Variants in DPP10 observed in about 807,000 individuals in gnomAD.
DPP10 encodes dipeptidyl peptidase like 10.
DPP10 carries 33 observed loss-of-function variants against 120.9 expected under a neutral mutation model. That is an observed-to-expected ratio of 0.27 (90% CI 0.21 to 0.37). The LOEUF (loss-of-function observed/expected upper bound fraction) is 0.37. Among genes scored for constraint, DPP10 ranks in the 10% least tolerant of loss-of-function variants. The pLI is 1.00. For missense variants in DPP10, 816 were observed against 942.8 expected (o/e 0.87, Z 1.76); for synonymous variants, 337 against 326.1 (o/e 1.03, Z -0.36).
At chr2:114,528,753 T>G (rs1685716003) in intron 1 of DPP10, among the ~76,000 whole-genome samples, 1 of 151,878 alleles carries the variant, frequency 6.6e-6, no homozygotes, top group South Asian at 2.1e-4. Flanking sequence ...CTTTTTCTTA[T>G]ATTTTCAGAG....
chr2:114,569,657 G>A (rs1296822539), intron 1 of DPP10, among the ~76,000 whole-genome samples: 1 of 152,180 alleles, frequency 6.6e-6, no homozygotes, highest in Non-Finnish European at 1.5e-5. Context: ...CCTTAAAGAT[G>A]TTGGACATTT....
intron 1 of DPP10, among the ~76,000 whole-genome samples, chr2:115,256,754 C>A (rs992134718): frequency 2.6e-5 from 4 of 152,180 alleles, no homozygotes; most frequent in African/African-American, 9.7e-5. Flanking sequence ...TTTTCTAACA[C>A]CTGGCCAAGC....
intron 10 of DPP10, among the ~76,000 whole-genome samples, chr2:115,748,217 A>G (rs1678247461): frequency 8.2e-6 from 1 of 121,826 alleles, no homozygotes; most frequent in African/African-American, 2.7e-5. Flanking sequence ...ATAATAATTT[A>G]CATGTTTATG....
At chr2:115,002,137 A>C (rs1487491484) in intron 1 of DPP10, among the ~76,000 whole-genome samples, 1 of 152,214 alleles carries the variant, frequency 6.6e-6, no homozygotes, top group African/African-American at 2.4e-5. Flanking sequence ...ACTATACTAC[A>C]ATGGTATAGT....
At position 114,622,927 on chromosome 2, in the gene DPP10, A is replaced by G. The variant is rs2105338126; in HGVS notation, c.60+180089A>G. Reference sequence around the variant, plus strand: ...AGTTGGATTTGATGTTCTGCCATATAAAATCAAATGAGCCCAGGCTTACAT... The same window carrying G: ...AGTTGGATTTGATGTTCTGCCATATGAAATCAAATGAGCCCAGGCTTACAT... On this transcript the variant is annotated intron_variant, in intron 1 of 25. Coordinates refer to ENST00000410059, the MANE Select transcript of DPP10 (RefSeq NM_020868.6). 2.6e-5 allele frequency among the ~76,000 whole-genome samples: 4 copies of G among 152,266 alleles called. No individual in the cohort carries two copies. In the Middle Eastern group the frequency reaches 0.014, roughly 518 times the overall value.
intron 3 of DPP10, among the ~76,000 whole-genome samples, chr2:115,478,162 T>C (rs2075208769): frequency 6.6e-6 from 1 of 151,912 alleles, no homozygotes; most frequent in South Asian, 2.1e-4. Flanking sequence ...TTCAATGAGA[T>C]TGGGAGGGGA....
chr2:114,733,266 A>T (rs1043288393), intron 1 of DPP10, among the ~76,000 whole-genome samples: 2 of 152,098 alleles, frequency 1.3e-5, no homozygotes, highest in Non-Finnish European at 2.9e-5. Context: ...CACAGTAGCA[A>T]TCCAAAAATT....
intron 1 of DPP10, among the ~76,000 whole-genome samples, chr2:115,213,504 A>G (rs1036003811): frequency 4.6e-5 from 7 of 152,062 alleles, no homozygotes; most frequent in African/African-American, 1.7e-4. Context: ...CTGATCATAT[A>G]CTGCTTACCT....
intron 1 of DPP10, among the ~76,000 whole-genome samples, chr2:114,615,667 G>C (rs181284519): frequency 1.1e-3 from 168 of 152,202 alleles, no homozygotes; most frequent in Admixed American, 3.0e-3. Context: ...GTTAGCCTTG[G>C]GCATACGATG....
intron 1 of DPP10, among the ~76,000 whole-genome samples, chr2:114,892,597 C>A (rs951990342): frequency 2.0e-5 from 3 of 152,144 alleles, no homozygotes; most frequent in African/African-American, 2.4e-5. Flanking sequence ...AAGGACAGAC[C>A]GCTGAGCCCC....
intron 1 of DPP10, among the ~76,000 whole-genome samples, chr2:115,172,967 G>A (rs1272209338): frequency 6.6e-6 from 1 of 152,180 alleles, no homozygotes; most frequent in Non-Finnish European, 1.5e-5. Flanking sequence ...AAGCAAACAT[G>A]GATTGGGAGT....
intron 1 of DPP10, among the ~76,000 whole-genome samples, chr2:115,208,679 C>A (rs1295508608): frequency 6.6e-6 from 1 of 152,066 alleles, no homozygotes. Context: ...ATGTGGAAAA[C>A]TCTATCCTTG....
At chr2:115,007,512 G>A (rs1701943171) in intron 1 of DPP10, among the ~76,000 whole-genome samples, 1 of 150,746 alleles carries the variant, frequency 6.6e-6, no homozygotes, top group African/African-American at 2.4e-5. Context: ...TTTGAAAACT[G>A]GCACAAGACA....
In DPP10 at chr2:114,908,443, T is replaced by A. The variant is rs1244335220; in HGVS notation, c.61-400796T>A. On this transcript the variant is annotated intron_variant, in intron 1 of 25. Coordinates refer to ENST00000410059, the MANE Select transcript of DPP10 (RefSeq NM_020868.6). ...TTTCCTGGTATTAATTTTAACTATA[T>A]CTTTTAGTTACTTGCTTAGTGGATG... Among the ~76,000 whole-genome samples the A allele has an allele frequency of 2.0e-5, 3 of 152,102 alleles. No homozygotes were observed. In the East Asian group the frequency reaches 5.8e-4, roughly 29 times the overall value.
intron 1 of DPP10, chr2:115,144,377 A>T (rs2051102591): frequency 3.3e-5 from 5 of 152,034 alleles, no homozygotes; most frequent in Admixed American, 3.3e-4. Context: ...ACCTGTTAGG[A>T]TTCAGAACAA....
At chr2:115,603,216 A>G (rs866740076) in intron 5 of DPP10, among the ~76,000 whole-genome samples, 14 of 150,770 alleles carry the variant, frequency 9.3e-5, no homozygotes, top group Middle Eastern at 3.4e-3. Flanking sequence ...AAAAAGGTCT[A>G]TGTTTGAGTC....
intron 1 of DPP10, among the ~76,000 whole-genome samples, chr2:115,212,406 C>G (rs2056574045): frequency 6.6e-6 from 1 of 152,116 alleles, no homozygotes; most frequent in Non-Finnish European, 1.5e-5. Flanking sequence ...TTAGAGATGG[C>G]CTTAAGTTAC....
chr2:115,212,439 G>T (rs2105359314), intron 1 of DPP10, among the ~76,000 whole-genome samples: 1 of 152,132 alleles, frequency 6.6e-6, no homozygotes, highest in Non-Finnish European at 1.5e-5. Context: ...ACTCCACTTT[G>T]GTCTGTATTT....
At chr2:114,584,227 A>G (rs1690765180) in intron 1 of DPP10, among the ~76,000 whole-genome samples, 1 of 152,162 alleles carries the variant, frequency 6.6e-6, no homozygotes, top group Non-Finnish European at 1.5e-5. Context: ...GTGTGCATGT[A>G]TGTGTAGTTT....
Sources: allele counts gnomAD v4.1 joint callset (sites outside exome capture counted in the v4.1 genomes callset), GRCh38; gene constraint gnomAD v4.1.1; transcripts MANE v1.5; gene names NCBI Gene and HGNC (gene_info 2026-07-23, HGNC 2026-07-21).